PIWIL3: variants seen among roughly 807,000 people sequenced by gnomAD.
The protein encoded by PIWIL3 is piwi-like protein 3.
Under a neutral mutation model 109.7 loss-of-function variants are expected in PIWIL3, and 101 were observed. The ratio of observed to expected loss-of-function variants is 0.92; its 90% CI spans 0.78 to 1.09. The LOEUF (loss-of-function observed/expected upper bound fraction) is 1.09. PIWIL3 is among the 50% of genes least tolerant of loss of function. The pLI is 0.00. For synonymous variants in PIWIL3, 373 were observed against 376.4 expected, an observed-to-expected ratio of 0.99 and a Z score of 0.10; for missense variants, 1,031 against 1,072.6, an observed-to-expected ratio of 0.96 and a Z score of 0.54.
At chr22:24,747,809 G>C (rs1011376493) in intron 12 of PIWIL3, among the ~76,000 whole-genome samples, 13 of 152,110 alleles carry the variant, frequency 8.5e-5, no homozygotes, top group African/African-American at 2.7e-4. Context: ...GTGGAGAAAA[G>C]GGAGCCCTCA....
intron 1 of PIWIL3, among the ~76,000 whole-genome samples, chr22:24,767,860 T>A (rs1465159903): frequency 6.6e-6 from 1 of 152,182 alleles, no homozygotes; most frequent in Non-Finnish European, 1.5e-5. Context: ...AGTCAGCAAG[T>A]GACAGAAGTG....
intron 12 of PIWIL3, among the ~76,000 whole-genome samples, chr22:24,747,904 CAT>C (rs1924467451): frequency 6.6e-6 from 1 of 152,150 alleles, no homozygotes; most frequent in Non-Finnish European, 1.5e-5. Context: ...ATAGAGCTAA[CAT>C]ATGTTGCAGC....
At chr22:24,765,476 T>G (rs1242246053) in intron 1 of PIWIL3, among the ~76,000 whole-genome samples, 1 of 152,256 alleles carries the variant, frequency 6.6e-6, no homozygotes, top group Non-Finnish European at 1.5e-5. Flanking sequence ...AAATATTTCC[T>G]GACTTGAGTC....
rs1923108922 is a variant in PIWIL3 at position 24,728,180 on chromosome 22, T to C, written c.1902A>G (p.Thr634=). ...KMGGALWKVE[T]DVQRTMFVGI... ...AAGTCAGTGAAATACAACATACGTC[T>C]GTCTCCACCTTCCAGAGGGCTCCTC... The change falls in exon 15 of 21, where the codon ACA becomes ACG. Residue 634 remains threonine, a synonymous_variant. Transcript: ENST00000616349. 1.9e-6 allele frequency: 3 copies of C among 1,614,134 alleles called. No individual in the cohort carries two copies. The highest frequency in any genetic ancestry group is 2.5e-6 in the Non-Finnish European group (3 of 1,179,944).
At chr22:24,760,896 A>ATGTGAGC (rs1947467072) in intron 2 of PIWIL3, among the ~76,000 whole-genome samples, 1 of 150,420 alleles carries the variant, frequency 6.6e-6, no homozygotes, top group South Asian at 2.1e-4. Context: ...ATAGCAAGGG[A>ATGTGAGC]TGTGAGCTGT....
rs1464460782 is a variant in PIWIL3 at position 24,755,881 on chromosome 22, T to C, written c.595A>G (p.Lys199Glu). 1.2e-6 allele frequency: 2 copies of C among 1,613,740 alleles called. No individual in the cohort carries two copies. Among genetic ancestry groups the C allele is most frequent in the Non-Finnish European group, 1.7e-6 (2 of 1,179,868 alleles). Residue 199 changes from lysine (K) to glutamate (E), a missense_variant, in exon 6 of 21, where the codon AAA becomes GAA. Transcript: ENST00000616349. Reference sequence around the variant, plus strand: ...GTAATCTTCACGATGTTTTTGTCTTTGGTTGTGCTCAACCATTCCACTCTC... The same window carrying C: ...GTAATCTTCACGATGTTTTTGTCTTCGGTTGTGCTCAACCATTCCACTCTC... ...ERRVEWLSTTKDKNIVKITVE... is the reference protein window; with the variant it reads ...ERRVEWLSTTEDKNIVKITVE...
chr22:24,735,558 G>T, intron 13 of PIWIL3, 150 bp downstream of exon 13: 1 of 689,098 alleles, frequency 1.5e-6, no homozygotes, highest in Non-Finnish European at 2.2e-6. Context: ...ATATCACAAA[G>T]TCTGTTTTAA....
In PIWIL3 at chr22:24,758,056, G is replaced by T. The variant is rs756545384; in HGVS notation, c.224-17C>A. The T allele has an allele frequency of 3.8e-6, 6 of 1,594,420 alleles. No individual in the cohort carries two copies. Among genetic ancestry groups the T allele is most frequent in the Non-Finnish European group, 5.1e-6 (6 of 1,174,438 alleles). On this transcript the variant is annotated splice_polypyrimidine_tract_variant and intron_variant, in intron 3 of 20. Coordinates refer to ENST00000616349, the MANE Select transcript of PIWIL3 (RefSeq NM_001255975.1). Reference sequence around the variant, plus strand: ...CCTTCACCCCTGCATAAATGTAAACGCCAGAAGTTTAAACAATAAAAAGGG... The same window carrying T: ...CCTTCACCCCTGCATAAATGTAAACTCCAGAAGTTTAAACAATAAAAAGGG...
intron 12 of PIWIL3, among the ~76,000 whole-genome samples, chr22:24,745,890 C>A: frequency 6.6e-6 from 1 of 151,992 alleles, no homozygotes; most frequent in East Asian, 1.9e-4. Context: ...ACATATACAA[C>A]CTACCAAGAT....
At position 24,755,924 on chromosome 22, in the gene PIWIL3, A is replaced by C. The variant is rs5751973; in HGVS notation, c.571-19T>G. ...CCACTCTCTGAGATTAAAAAAAAAC[A>C]AAAAAAAAAGTCCAGATATTCTTCC... On this transcript the variant is annotated intron_variant, in intron 5 of 20. Coordinates refer to ENST00000616349, the MANE Select transcript of PIWIL3 (RefSeq NM_001255975.1). The C allele has an allele frequency of 0.49, 597,091 of 1,206,616 alleles. 102,676 individuals carry two copies. The highest frequency in any genetic ancestry group is 0.58 in the East Asian group (20,168 of 34,796). 74.7% of individuals were successfully genotyped at this position (1,206,616 alleles called of 1,614,324 possible). A position where few individuals can be genotyped will look rare whatever the true frequency, so the allele number is the denominator to read the frequency against.
chr22:24,741,104 A>T (rs1346351354), intron 12 of PIWIL3, among the ~76,000 whole-genome samples: 1 of 152,230 alleles, frequency 6.6e-6, no homozygotes, highest in African/African-American at 2.4e-5. Context: ...GATGGTTTAA[A>T]ATATGCAAGT....
At chr22:24,743,743 C>A (rs1431996229) in intron 12 of PIWIL3, among the ~76,000 whole-genome samples, 1 of 151,800 alleles carries the variant, frequency 6.6e-6, no homozygotes, top group Non-Finnish European at 1.5e-5. Flanking sequence ...GATGGATGCA[C>A]CAAAAGTACA....
At chr22:24,720,338 C>T (rs2147640447) in intron 19 of PIWIL3, among the ~76,000 whole-genome samples, 2 of 138,946 alleles carry the variant, frequency 1.4e-5, no homozygotes, top group Middle Eastern at 4.1e-3. Context: ...GTGGCGCAAT[C>T]TCAGCTCACT....
chr22:24,754,221 G>C lies in PIWIL3; in HGVS notation c.774-4C>G, dbSNP rs1002923295. Reference sequence around the variant, plus strand: ...AAGCCAGATTTCCAAACTGGTACTAGAATAAATTACATGAGAGTATTAGTC... The same window carrying C: ...AAGCCAGATTTCCAAACTGGTACTACAATAAATTACATGAGAGTATTAGTC... On this transcript the variant is annotated splice_polypyrimidine_tract_variant and splice_region_variant and intron_variant, in intron 7 of 20. Coordinates refer to ENST00000616349, the MANE Select transcript of PIWIL3 (RefSeq NM_001255975.1). 2 of 1,607,568 alleles carry C rather than the reference G, an allele frequency of 1.2e-6. No individual in the cohort carries two copies. The highest frequency in any genetic ancestry group is 1.7e-5 in the Admixed American group (1 of 59,952).
chr22:24,749,235 C>T (rs1249254561), intron 11 of PIWIL3, among the ~76,000 whole-genome samples, 169 bp downstream of exon 11: 2 of 152,068 alleles, frequency 1.3e-5, no homozygotes, highest in Non-Finnish European at 2.9e-5. Flanking sequence ...TCCCCCCCGG[C>T]CTCCTAATCT....
chr22:24,753,872 G>C, intron 8 of PIWIL3, 142 bp downstream of exon 8: 1 of 675,064 alleles, frequency 1.5e-6, no homozygotes, highest in Non-Finnish European at 2.5e-6. Context: ...TGTATAACCA[G>C]AGGAGAGACG....
intron 19 of PIWIL3, 98 bp downstream of exon 19, chr22:24,723,032 G>C: frequency 1.5e-6 from 2 of 1,337,822 alleles, no homozygotes; most frequent in Non-Finnish European, 2.1e-6. Flanking sequence ...AGAATCAGCA[G>C]TGCTTTAAGG....
At position 24,755,831 on chromosome 22, in the gene PIWIL3, C is replaced by G. The variant is rs777932640; in HGVS notation, c.645G>C (p.Thr215=). 1 of 1,613,750 alleles carries G rather than the reference C, an allele frequency of 6.2e-7. No individual in the cohort carries two copies. The highest frequency in any genetic ancestry group is 2.2e-5 in the East Asian group (1 of 44,884). The change falls in exon 6 of 21, where the codon ACG becomes ACC. Residue 215 remains threonine, a synonymous_variant. Transcript: ENST00000616349. ...AGCGTAGGCAATCTGGCGACGTGGG[C>G]GTGAGTTCTTTGGAAAACTCAACTG... ...KITVEFSKEL[T]PTSPDCLRYY...
intron 12 of PIWIL3, among the ~76,000 whole-genome samples, chr22:24,739,424 A>G (rs1026851233): frequency 3.9e-5 from 6 of 152,210 alleles, no homozygotes; most frequent in African/African-American, 1.4e-4. Flanking sequence ...GGTCAAGGAT[A>G]AAGAAAGGAT....
Sources: allele counts gnomAD v4.1 joint callset (sites outside exome capture counted in the v4.1 genomes callset), GRCh38; gene constraint gnomAD v4.1.1; transcripts MANE v1.5; gene names NCBI Gene and HGNC (gene_info 2026-07-23, HGNC 2026-07-21).